CDK2AP2: variants seen among roughly 807,000 people sequenced by gnomAD.
The protein encoded by CDK2AP2 is cyclin dependent kinase 2 associated protein 2, also known as cyclin-dependent kinase 2-associated protein 2.
In CDK2AP2, 1 loss-of-function variant was observed where a neutral mutation model predicts 13.0. The observed-to-expected ratio is 0.08, with a 90% confidence interval of 0.03 to 0.37. The LOEUF (loss-of-function observed/expected upper bound fraction) is 0.37, where lower values mean the gene tolerates loss of function less well. Among genes scored for constraint, CDK2AP2 ranks in the 10% least tolerant of loss-of-function variants. The pLI is 0.99. For missense variants in CDK2AP2, 129 were observed against 175.8 expected (o/e 0.73, Z 1.50); for synonymous variants, 76 against 73.0 (o/e 1.04, Z -0.21).
intron 3 of CDK2AP2, 59 bp from the exon 4 acceptor site, chr11:67,507,071 G>GGC: frequency 1.6e-6 from 2 of 1,252,702 alleles, no homozygotes; most frequent in Non-Finnish European, 2.2e-6. Flanking sequence ...CCCTCCAGAG[G>GGC]AGGACCCCTG....
At chr11:67,507,232 T>TCAAAACACCTCTCTGGTAGTAATA in intron 3 of CDK2AP2, 133 bp downstream of exon 3, 2 of 1,095,906 alleles carry the variant, frequency 1.8e-6, no homozygotes, top group Non-Finnish European at 2.7e-6. Context: ...TCAATTCGAT[T>TCAAAACACCTCTCTGGTAGTAATA]CAAAACACCT....
rs1286237566 is a variant in CDK2AP2 at position 67,506,793 on chromosome 11, A to T, written c.*152T>A. On this transcript the variant is annotated 3_prime_UTR_variant, in exon 4 of 4. Transcript: ENST00000301488. Reference sequence around the variant, plus strand: ...GGGTGTCCTTAGTGCTGCCACCTGGAGGGCCACTCCTTGGTTCCTGGAGGG... The same window carrying T: ...GGGTGTCCTTAGTGCTGCCACCTGGTGGGCCACTCCTTGGTTCCTGGAGGG... 1.6e-6 allele frequency: 1 copy of T among 637,384 alleles called. No individual in the cohort carries two copies. Among genetic ancestry groups the T allele is most frequent in the Non-Finnish European group, 2.8e-6 (1 of 361,436 alleles). 39.5% of individuals were successfully genotyped at this position (637,384 alleles called of 1,614,324 possible).
At chr11:67,507,803 T>C (rs558079254) in intron 1 of CDK2AP2, 114 bp from the exon 2 acceptor site, 23 of 1,540,964 alleles carry the variant, frequency 1.5e-5, no homozygotes, top group Non-Finnish European at 1.7e-5. Flanking sequence ...CTTCATTCCA[T>C]GCTGATCAAC....
rs187927624 is a variant in CDK2AP2 at position 67,506,802 on chromosome 11, C to G, written c.*143G>C. On this transcript the variant is annotated 3_prime_UTR_variant, in exon 4 of 4. Coordinates refer to ENST00000301488, the MANE Select transcript of CDK2AP2 (RefSeq NM_005851.5). ...TAGTGCTGCCACCTGGAGGGCCACT[C>G]CTTGGTTCCTGGAGGGGACCCACCA... The G allele has an allele frequency of 6.1e-4, 409 of 667,098 alleles. No homozygotes were observed. Among genetic ancestry groups the G allele is most frequent in the Non-Finnish European group, 1.0e-3 (392 of 384,660 alleles). 41.3% of individuals were successfully genotyped at this position (667,098 alleles called of 1,614,324 possible).
At chr11:67,507,037 AAC>A (rs1866547199) in intron 3 of CDK2AP2, 25 bp from the exon 4 acceptor site, 1 of 1,511,418 alleles carries the variant, frequency 6.6e-7, no homozygotes, top group Non-Finnish European at 8.9e-7. Flanking sequence ...GGGTCTCAGC[AAC>A]CCTCCACAGC....
rs1265898853 is a variant in CDK2AP2, at chr11:67,507,510, A to G, written c.181-13T>C. 1 of 1,613,828 alleles carries G rather than the reference A, an allele frequency of 6.2e-7. No homozygotes were observed. The highest frequency in any genetic ancestry group is 8.5e-7 in the Non-Finnish European group (1 of 1,180,022). On this transcript the variant is annotated splice_polypyrimidine_tract_variant and intron_variant, in intron 2 of 3. Transcript: ENST00000301488. ...GTGGCTTCATCGCCTATGTCAAAAGAGAACAGGGCAGTGAGCTCAGGCACC... is the reference window on the plus strand; with the variant it reads ...GTGGCTTCATCGCCTATGTCAAAAGGGAACAGGGCAGTGAGCTCAGGCACC...
chr11:67,507,502 G>A lies in CDK2AP2; in HGVS notation c.181-5C>T. Reference sequence around the variant, plus strand: ...GGCGCCGGGTGGCTTCATCGCCTATGTCAAAAGAGAACAGGGCAGTGAGCT... The same window carrying A: ...GGCGCCGGGTGGCTTCATCGCCTATATCAAAAGAGAACAGGGCAGTGAGCT... On this transcript the variant is annotated splice_polypyrimidine_tract_variant and splice_region_variant and intron_variant, in intron 2 of 3. Coordinates refer to ENST00000301488, the MANE Select transcript of CDK2AP2 (RefSeq NM_005851.5). 4 of 1,613,904 alleles carry A rather than the reference G, an allele frequency of 2.5e-6. 1 individual carries two copies. In the South Asian group the frequency reaches 4.4e-5, roughly 18 times the overall value.
chr11:67,507,179 G>A, intron 3 of CDK2AP2, 167 bp from the exon 4 acceptor site: 1 of 820,162 alleles, frequency 1.2e-6, no homozygotes, highest in Non-Finnish European at 1.9e-6. Context: ...TTGCCCTGTT[G>A]AAATACAAAT....
In CDK2AP2 at chr11:67,507,022, G is replaced by A. The variant is rs756148360; in HGVS notation, c.314-10C>T. The A allele has an allele frequency of 6.5e-7, 1 of 1,543,634 alleles. No individual in the cohort carries two copies. Among genetic ancestry groups the A allele is most frequent in the Non-Finnish European group, 8.8e-7 (1 of 1,142,120 alleles). On this transcript the variant is annotated splice_polypyrimidine_tract_variant and intron_variant, in intron 3 of 3. Coordinates refer to ENST00000301488, the MANE Select transcript of CDK2AP2 (RefSeq NM_005851.5). Reference sequence around the variant, plus strand: ...CGGGCATGGATGATACCTGGGGGTGGGGTGGGGTCTCAGCAACCCTCCACA... The same window carrying A: ...CGGGCATGGATGATACCTGGGGGTGAGGTGGGGTCTCAGCAACCCTCCACA...
chr11:67,507,133 G>A (rs769310557), intron 3 of CDK2AP2, 121 bp from the exon 4 acceptor site: 86 of 849,886 alleles, frequency 1.0e-4, no homozygotes, highest in Non-Finnish European at 1.5e-4. Context: ...TCTAATGACG[G>A]CTAGATGAAA....
chr11:67,507,121 A>C, intron 3 of CDK2AP2, 109 bp from the exon 4 acceptor site: 1 of 905,226 alleles, frequency 1.1e-6, no homozygotes, highest in Non-Finnish European at 1.7e-6. Context: ...AAGAAATTCA[A>C]ATCTAATGAC....
At position 67,508,125 on chromosome 11, in the gene CDK2AP2, G is replaced by T; in HGVS notation, c.-43C>A. On this transcript the variant is annotated 5_prime_UTR_variant, in exon 1 of 4. Transcript: ENST00000301488. ...GGCGGACGCCAGCCGGCCGCTCCTC[G>T]GGGGTTGGCTGCGGGGCCGCTCAGC... The T allele has an allele frequency of 6.9e-7, 1 of 1,442,756 alleles. No individual in the cohort carries two copies. Among genetic ancestry groups the T allele is most frequent in the Non-Finnish European group, 9.1e-7 (1 of 1,100,572 alleles). The allele number at this position is 1,442,756 out of a possible 1,614,324, so 89.4% of individuals were successfully genotyped here.
intron 1 of CDK2AP2, 38 bp downstream of exon 1, chr11:67,507,963 C>A (rs1005552231): frequency 1.9e-6 from 3 of 1,549,586 alleles, no homozygotes; most frequent in Admixed American, 3.9e-5. Flanking sequence ...AGACCTCGAC[C>A]GCCCGGCAGG....
In CDK2AP2 at chr11:67,507,591, C is replaced by T. The variant is rs370347773; in HGVS notation, c.180+1G>A. The T allele has an allele frequency of 2.5e-6, 4 of 1,613,528 alleles. No individual in the cohort carries two copies. The highest frequency in any genetic ancestry group is 3.4e-6 in the Non-Finnish European group (4 of 1,180,012). On this transcript the variant is annotated splice_donor_variant, in intron 2 of 3. Transcript: ENST00000301488. LOFTEE classifies it high-confidence loss of function. Reference sequence around the variant, plus strand: ...ATAAGCAAGGCTTTGGCCCCACTCACCTGCACGTAGCCCATGGAAGGCGGT... The same window carrying T: ...ATAAGCAAGGCTTTGGCCCCACTCATCTGCACGTAGCCCATGGAAGGCGGT...
Position 67,507,363 on chromosome 11 carries a change from A to C in CDK2AP2, c.313+2T>G, listed in dbSNP as rs1591072915. 1 of 1,611,932 alleles carries C rather than the reference A, an allele frequency of 6.2e-7. No individual in the cohort carries two copies. The highest frequency in any genetic ancestry group is 1.3e-5 in the African/African-American group (1 of 74,818). ...TGAGCAGGGCGGCCTGGCCTCACTT[A>C]CCTCTCTTCAGGCGCTCCATGGCGC... On this transcript the variant is annotated splice_donor_variant, in intron 3 of 3. Transcript: ENST00000301488. LOFTEE classifies it high-confidence loss of function.
At chr11:67,507,051 C>G (rs1266282739) in intron 3 of CDK2AP2, 39 bp from the exon 4 acceptor site, 1 of 1,425,008 alleles carries the variant, frequency 7.0e-7, no homozygotes, top group Non-Finnish European at 9.5e-7. Context: ...CTCCACAGCC[C>G]CACCCACTGC....
In CDK2AP2 at chr11:67,507,449, G is replaced by A. The variant is rs758460391; in HGVS notation, c.229C>T (p.Leu77=). 7.4e-6 allele frequency: 12 copies of A among 1,613,848 alleles called. No individual in the cohort carries two copies. The highest frequency in any genetic ancestry group is 1.7e-5 in the Admixed American group (1 of 60,014). The change falls in exon 3 of 4, where the codon CTG becomes TTG. Residue 77 remains leucine (L), a synonymous_variant. Transcript: ENST00000301488. ...AQGSQSTYTD[L]LSVIEEMGKE... ...CCCATCTCCTCTATGACTGACAGCA[G>A]GTCCGTGTAGGTGCTCTGGGAGCCC... is the stretch of plus-strand genomic sequence containing the variant.
chr11:67,508,139 G>T lies in CDK2AP2; in HGVS notation c.-57C>A, dbSNP rs909319613. 4 of 1,433,908 alleles carry T rather than the reference G, an allele frequency of 2.8e-6. No individual in the cohort carries two copies. The highest frequency in any genetic ancestry group is 3.6e-6 in the Non-Finnish European group (4 of 1,097,550). The allele number at this position is 1,433,908 out of a possible 1,614,324, so 88.8% of individuals were successfully genotyped here. On this transcript the variant is annotated 5_prime_UTR_variant, in exon 1 of 4. Coordinates refer to ENST00000301488, the MANE Select transcript of CDK2AP2 (RefSeq NM_005851.5). ...GGCCGCTCCTCGGGGGTTGGCTGCGGGGCCGCTCAGCCGCGCTCTGATTGG... is the reference window on the plus strand; with the variant it reads ...GGCCGCTCCTCGGGGGTTGGCTGCGTGGCCGCTCAGCCGCGCTCTGATTGG...
Position 67,507,613 on chromosome 11 carries a change from C to G in CDK2AP2, c.159G>C (p.Pro53=). ...TCACCTGCACGTAGCCCATGGAAGG[C>G]GGTCCAAAGTCGTTAAACAGCGGTC... is the stretch of plus-strand genomic sequence containing the variant. The part of the protein sequence containing the change: ...PFRPLFNDFG[P]PSMGYVQAMK... Residue 53 remains proline, a synonymous_variant, in exon 2 of 4, where the codon CCG becomes CCC. Coordinates refer to ENST00000301488, the MANE Select transcript of CDK2AP2 (RefSeq NM_005851.5). The G allele has an allele frequency of 1.9e-6, 3 of 1,613,594 alleles. No homozygotes were observed. The highest frequency in any genetic ancestry group is 1.3e-5 in the African/African-American group (1 of 75,072).
Sources: gnomAD v4.1 joint callset for allele counts on GRCh38, gnomAD v4.1.1 for gene constraint, MANE v1.5 for transcripts, NCBI Gene and HGNC (gene_info 2026-07-23, HGNC 2026-07-21) for gene names.